Variants in SIGLEC5 observed in about 807,000 individuals in gnomAD.
The protein encoded by SIGLEC5 is sialic acid-binding Ig-like lectin 5.
In SIGLEC5, 34 loss-of-function variants were observed where a neutral mutation model predicts 45.9. The ratio of observed to expected loss-of-function variants is 0.74; its 90% CI spans 0.56 to 0.99. The LOEUF (loss-of-function observed/expected upper bound fraction) is 0.99, where lower values mean the gene tolerates loss of function less well. Ranked by LOEUF, SIGLEC5 falls within the 50% of genes least tolerant of loss-of-function variation. SIGLEC5 has a pLI of 0.00. For missense variants in SIGLEC5, 508 were observed against 629.6 expected (o/e 0.81, Z 2.07); for synonymous variants, 203 against 258.6 (o/e 0.79, Z 2.06).
intron 8 of SIGLEC5, among the ~76,000 whole-genome samples, chr19:51,613,323 A>T (rs560975475): frequency 6.6e-6 from 1 of 152,292 alleles, no homozygotes; most frequent in East Asian, 1.9e-4. Flanking sequence ...GCTAGATTTT[A>T]TGACCACTCC....
In SIGLEC5 at chr19:51,627,672, G is replaced by A. The variant is rs8108074; in HGVS notation, c.1072C>T (p.Arg358Trp). Residue 358 changes from arginine (R) to tryptophan (W), a missense_variant, in exon 6 of 9, where the codon CGG becomes TGG. Physicochemically the swap from Arg to Trp is moderately radical, Grantham distance 101. Coordinates refer to ENST00000683636, the MANE Select transcript of SIGLEC5 (RefSeq NM_003830.4). ...CGCCAGCACAGGGAGGGGGCCGGCC[G>A]GGCTCGAAAGGAGCATCTGCAGTGC... ...GLHCRCSFRA[R>W]PAPSLCWRLE... 274,958 of 1,609,234 alleles carry A rather than the reference G, an allele frequency of 0.17. 25,393 individuals carry two copies. The highest frequency in any genetic ancestry group is 0.34 in the African/African-American group (25,320 of 74,870).
intron 8 of SIGLEC5, among the ~76,000 whole-genome samples, chr19:51,614,034 T>C (rs1022861478): frequency 6.6e-6 from 1 of 152,172 alleles, no homozygotes; most frequent in African/African-American, 2.4e-5. Flanking sequence ...CCAGCAAAGA[T>C]GGTAACCAGA....
Position 51,627,244 on chromosome 19 carries a change from T to C in SIGLEC5, c.1287A>G (p.Arg429=), listed in dbSNP as rs1379405430. The change falls in exon 7 of 9, where the codon AGA becomes AGG. Residue 429 remains arginine (R), a synonymous_variant. Transcript: ENST00000683636. The part of the protein sequence containing the change: ...QSGSVLLLQG[R]SNLGTGVVPA... ...GAACCACTCCTGTCCCGAGGTTCGATCTCCCTGCAGAAAAGAGGGGCGTGC... is the reference window on the plus strand; with the variant it reads ...GAACCACTCCTGTCCCGAGGTTCGACCTCCCTGCAGAAAAGAGGGGCGTGC... The C allele has an allele frequency of 6.2e-7, 1 of 1,613,700 alleles. No individual in the cohort carries two copies. The highest frequency in any genetic ancestry group is 1.3e-5 in the African/African-American group (1 of 74,846).
Position 51,627,956 on chromosome 19 carries a change from G to C in SIGLEC5, c.875C>G (p.Pro292Arg). The C allele has an allele frequency of 6.2e-7, 1 of 1,614,104 alleles. No individual in the cohort carries two copies. Among genetic ancestry groups the C allele is most frequent in the Non-Finnish European group, 8.5e-7 (1 of 1,179,992 alleles). The change falls in exon 5 of 9, where the codon CCC (proline) becomes CGC (arginine). Residue 292 changes from proline to arginine, a missense_variant. Pro to Arg is a moderately radical substitution (Grantham distance 103, BLOSUM62 -2). Transcript: ENST00000683636. ...CTCCAAGATCCCGGTATTGGAGATG[G>C]GGGTGGCGTTCAGGGCAGGGGAGCC... ...FQGSPALNATPISNTGILELR... is the reference protein window; with the variant it reads ...FQGSPALNATRISNTGILELR...
intron 8 of SIGLEC5, chr19:51,621,198 G>A (rs1364063418): frequency 6.6e-6 from 1 of 152,192 alleles, no homozygotes; most frequent in African/African-American, 2.4e-5. Context: ...TCACTATGAA[G>A]AGATGCACAG....
chr19:51,628,005 G>A lies in SIGLEC5; in HGVS notation c.826C>T (p.Pro276Ser), dbSNP rs1273547583. ...CCCTGGAACCAGCTCAGGTGTGCAG[G>A]GGGGTTGCTGGGAGCATCACAGAGC... ...RLLCDAPSNP[P>S]AHLSWFQGSP... Residue 276 changes from proline to serine, a missense_variant, in exon 5 of 9, where the codon CCT becomes TCT. Pro to Ser is a moderately conservative substitution (Grantham distance 74). This residue lies in a region of SIGLEC5 where 431 missense variants were observed against 428.8 expected (regional missense o/e 1.01). Coordinates refer to ENST00000683636, the MANE Select transcript of SIGLEC5 (RefSeq NM_003830.4). The A allele has an allele frequency of 3.1e-6, 5 of 1,611,052 alleles. No individual in the cohort carries two copies. The Admixed American group carries it at 5.0e-5, about 16-fold the overall frequency.
chr19:51,613,756 G>T (rs1174789086), intron 8 of SIGLEC5, among the ~76,000 whole-genome samples: 5 of 152,094 alleles, frequency 3.3e-5, no homozygotes, highest in Admixed American at 6.5e-5. Context: ...AGGTTAAGTA[G>T]CTTGCCCAGG....
intron 8 of SIGLEC5, among the ~76,000 whole-genome samples, chr19:51,615,118 A>C (rs1983006824): frequency 6.6e-6 from 1 of 152,210 alleles, no homozygotes; most frequent in Non-Finnish European, 1.5e-5. Flanking sequence ...AGAATGGTTA[A>C]AGGTAAAATA....
chr19:51,629,080 G>A lies in SIGLEC5; in HGVS notation c.701-4C>T. The A allele has an allele frequency of 2.5e-6, 4 of 1,613,754 alleles. No homozygotes were observed. Among genetic ancestry groups the A allele is most frequent in the Non-Finnish European group, 3.4e-6 (4 of 1,179,840 alleles). ...ATGGTGATGGTCTGTGGAGCATCTGGGATAAAAAGATATAAACTTGGCTTC... is the reference window on the plus strand; with the variant it reads ...ATGGTGATGGTCTGTGGAGCATCTGAGATAAAAAGATATAAACTTGGCTTC... On this transcript the variant is annotated splice_region_variant and splice_polypyrimidine_tract_variant and intron_variant, in intron 3 of 8. Transcript: ENST00000683636.
rs1355336638 is a variant in SIGLEC5, at chr19:51,627,569, G to T, written c.1175C>A (p.Ala392Asp). 1.9e-6 allele frequency: 3 copies of T among 1,613,950 alleles called. No homozygotes were observed. The African/African-American group carries it at 4.0e-5, about 22-fold the overall frequency. Reference sequence around the variant, plus strand: ...CCCGTGGAGGATCAGGGAGCTGTTGGCCCAGGGCCCAGCTGAGCTGGAGTT... The same window carrying T: ...CCCGTGGAGGATCAGGGAGCTGTTGTCCCAGGGCCCAGCTGAGCTGGAGTT... ...KVNSSSAGPW[A>D]NSSLILHGGL... is the part of the protein sequence containing the mutation. Residue 392 changes from alanine to aspartate, a missense_variant, in exon 6 of 9, where the codon GCC becomes GAC. Ala to Asp is a moderately radical substitution (Grantham distance 126). Transcript: ENST00000683636.
intron 8 of SIGLEC5, among the ~76,000 whole-genome samples, chr19:51,620,074 T>TATATATAA (rs201927980): frequency 2.0e-5 from 3 of 151,110 alleles, no homozygotes; most frequent in East Asian, 1.9e-4. Flanking sequence ...TATATATATA[T>TATATATAA]AACTTAGGTG....
In SIGLEC5 at chr19:51,627,754, G is replaced by C; in HGVS notation, c.998-8C>G. The C allele has an allele frequency of 6.3e-7, 1 of 1,576,764 alleles. No individual in the cohort carries two copies. On this transcript the variant is annotated splice_region_variant and splice_polypyrimidine_tract_variant and intron_variant, in intron 5 of 8. Transcript: ENST00000683636. ...CCAGCAACTGTGGGAGGGCTGTGGG[G>C]AGGGAGGACAGAACTCAGCAGGGGG...
At position 51,618,477 on chromosome 19, in the gene SIGLEC5, C is replaced by G. The variant is rs1239266757; in HGVS notation, c.1465-6055G>C. Among the ~76,000 whole-genome samples the G allele has an allele frequency of 5.0e-5, 6 of 118,916 alleles. No homozygotes were observed. The Admixed American group carries it at 5.1e-4, about 10-fold the overall frequency. 78.0% of individuals were successfully genotyped at this position (118,916 alleles called of 152,430 possible). ...AAAAAAAAAAAAAAAAACATCCAGT[C>G]GAACAGACTTTAAAGCAAAAAGCAT... On this transcript the variant is annotated intron_variant, in intron 8 of 8. Coordinates refer to ENST00000683636, the MANE Select transcript of SIGLEC5 (RefSeq NM_003830.4).
In SIGLEC5 at chr19:51,627,528, G is replaced by A. The variant is rs1278006489; in HGVS notation, c.1216C>T (p.Leu406Phe). ...LILHGGLSSDLKVSCKAWNIY... is the reference protein window; with the variant it reads ...LILHGGLSSDFKVSCKAWNIY... ...TTCCAGGCCTTGCAGCTGACTTTGA[G>A]GTCGGAGCTGAGCCCCCCGTGGAGG... The change falls in exon 6 of 9, where the codon CTC (leucine) becomes TTC (phenylalanine). Residue 406 changes from leucine (L) to phenylalanine (F), a missense_variant. Physicochemically the swap from Leu to Phe is conservative, Grantham distance 22 (BLOSUM62 0). Around this residue, in one of 2 missense-constraint regions of SIGLEC5, gnomAD observed 431 missense variants for 428.8 expected, o/e 1.01. Coordinates refer to ENST00000683636, the MANE Select transcript of SIGLEC5 (RefSeq NM_003830.4). The A allele has an allele frequency of 6.2e-7, 1 of 1,614,054 alleles. No homozygotes were observed. The highest frequency in any genetic ancestry group is 8.5e-7 in the Non-Finnish European group (1 of 1,180,020).
At position 51,612,610 on chromosome 19, in the gene SIGLEC5, T is replaced by C. The variant is rs10423945; in HGVS notation, c.1465-188A>G. The stretch of plus-strand genomic sequence containing the variant: ...TCTACCTCCTCCCAGTTCCCCAAGG[T>C]GGTTAATCCAAATGTCTGCCTTATA... On this transcript the variant is annotated intron_variant, in intron 8 of 8. Coordinates refer to ENST00000683636, the MANE Select transcript of SIGLEC5 (RefSeq NM_003830.4). Among the ~76,000 whole-genome samples the C allele has an allele frequency of 5.5e-3, 844 of 152,298 alleles. 3 individuals carry two copies. The highest frequency in any genetic ancestry group is 0.019 in the African/African-American group (808 of 41,570).
chr19:51,612,520 G>A (rs1568586917), intron 8 of SIGLEC5, 98 bp from the exon 9 acceptor site: 1 of 922,934 alleles, frequency 1.1e-6, no homozygotes, highest in Non-Finnish European at 1.6e-6. Flanking sequence ...GATTTATTTT[G>A]AATGTAAGTT....
At chr19:51,628,143 GT>G (rs760275575) in intron 4 of SIGLEC5, 52 bp from the exon 5 acceptor site, 7 of 1,473,836 alleles carry the variant, frequency 4.7e-6, no homozygotes, top group South Asian at 1.5e-5. Flanking sequence ...GAGGCTGACA[GT>G]CCCTATCCTT....
intron 8 of SIGLEC5, among the ~76,000 whole-genome samples, chr19:51,616,547 C>G (rs1983061045): frequency 6.6e-6 from 1 of 151,946 alleles, no homozygotes. Flanking sequence ...TCAGAAGTAT[C>G]CCCTAAAAGG....
At chr19:51,625,955 G>T in intron 8 of SIGLEC5, 77 bp downstream of exon 8, 1 of 1,165,166 alleles carries the variant, frequency 8.6e-7, no homozygotes, top group Non-Finnish European at 1.3e-6. Context: ...GGAGGAGTGG[G>T]TTTGGTGGAA....
Sources: gnomAD v4.1 joint callset for allele counts (sites outside exome capture counted in the v4.1 genomes callset) on GRCh38, gnomAD v4.1.1 for gene constraint, gnomAD v4.1.1 regional missense constraint, MANE v1.5 for transcripts, NCBI Gene and HGNC (gene_info 2026-07-23, HGNC 2026-07-21) for gene names.